STXBP5L: variants seen among roughly 807,000 people sequenced by gnomAD.
STXBP5L encodes syntaxin binding protein 5L.
Under a neutral mutation model 144.5 loss-of-function variants are expected in STXBP5L, and 65 were observed. That is an observed-to-expected ratio of 0.45 (90% CI 0.37 to 0.55). STXBP5L has a LOEUF of 0.55. STXBP5L is among the 20% of genes least tolerant of loss of function. The probability of loss-of-function intolerance (pLI) is 0.00; values close to 1 mark genes in which losing one functional copy is unlikely to be tolerated. For missense variants in STXBP5L, 1,298 were observed against 1,405.5 expected (o/e 0.92, Z 1.22); for synonymous variants, 505 against 469.6 (o/e 1.08, Z -0.97).
chr3:121,210,510 C>T (rs896412893), intron 10 of STXBP5L, among the ~76,000 whole-genome samples: 2 of 152,182 alleles, frequency 1.3e-5, no homozygotes, highest in African/African-American at 4.8e-5. Context: ...TTGCCCCTGC[C>T]TATGTCCTGC....
chr3:121,196,598 A>T (rs998775483), intron 9 of STXBP5L, among the ~76,000 whole-genome samples: 1 of 151,490 alleles, frequency 6.6e-6, no homozygotes, highest in African/African-American at 2.4e-5. Flanking sequence ...CTTTCAGTTT[A>T]GTTTTTTTTA....
intron 19 of STXBP5L, among the ~76,000 whole-genome samples, chr3:121,283,455 C>T (rs1037603551): frequency 2.6e-5 from 4 of 151,892 alleles, no homozygotes; most frequent in South Asian, 2.1e-4. Context: ...TTGCTGTGTG[C>T]GAGAATATTG....
chr3:121,385,046 A>G (rs1228931128), intron 22 of STXBP5L, among the ~76,000 whole-genome samples: 3 of 152,086 alleles, frequency 2.0e-5, no homozygotes, highest in African/African-American at 7.2e-5. Context: ...TATAAAATAT[A>G]TATCTCTCAT....
intron 19 of STXBP5L, among the ~76,000 whole-genome samples, chr3:121,312,441 T>C (rs2043568033): frequency 9.2e-6 from 1 of 108,526 alleles, no homozygotes; most frequent in Non-Finnish European, 1.8e-5. Flanking sequence ...TTAAGGTATG[T>C]CAATCTTTTT....
At chr3:120,976,958 C>A (rs1188383069) in intron 3 of STXBP5L, among the ~76,000 whole-genome samples, 1 of 151,996 alleles carries the variant, frequency 6.6e-6, no homozygotes, top group East Asian at 1.9e-4. Context: ...GAGAGCTTTA[C>A]TTCCAACTAT....
chr3:121,100,739 TA>T (rs1228893811), intron 5 of STXBP5L, among the ~76,000 whole-genome samples: 1 of 149,574 alleles, frequency 6.7e-6, no homozygotes, highest in Non-Finnish European at 1.5e-5. Flanking sequence ...AAGAAAGAAC[TA>T]AAATCAGTGC....
rs771686200 is a variant in STXBP5L, at chr3:120,955,010, T to C, written c.260T>C (p.Ile87Thr). The C allele has an allele frequency of 3.1e-6, 5 of 1,612,510 alleles. No homozygotes were observed. Among genetic ancestry groups the C allele is most frequent in the South Asian group, 1.1e-5 (1 of 91,050 alleles). Reference protein sequence around the residue: ...AFDPVQKILAIGTRTGAIRIL... With the variant: ...AFDPVQKILATGTRTGAIRIL... ...GATCCAGTTCAGAAAATCTTGGCTA[T>C]TGGGACGAGAACAGGTGCTATACGA... The change falls in exon 3 of 27, where the codon ATT becomes ACT. Residue 87 changes from isoleucine (I) to threonine (T), a missense_variant. Physicochemically the swap from Ile to Thr is moderately conservative, Grantham distance 89. Transcript: ENST00000471454.
intron 19 of STXBP5L, among the ~76,000 whole-genome samples, chr3:121,301,701 T>C (rs1459014159): frequency 6.6e-6 from 1 of 152,208 alleles, no homozygotes; most frequent in Non-Finnish European, 1.5e-5. Context: ...ATAGCTCTTA[T>C]TATTTTGAGA....
rs74611337 is a variant in STXBP5L at position 121,420,644 on chromosome 3, T to G, written c.*1547T>G. ...ACATTCCAGGACCCATCCTGTAATA[T>G]GTTGTTTCGTCAAGAAAAGTTTTAA... On this transcript the variant is annotated 3_prime_UTR_variant, in exon 27 of 27. Transcript: ENST00000471454. 2.0e-3 allele frequency: 312 copies of G among 152,288 alleles called. 4 individuals carry two copies. The highest frequency in any genetic ancestry group is 7.2e-3 in the African/African-American group (298 of 41,558). 9.4% of individuals were successfully genotyped at this position (152,288 alleles called of 1,614,324 possible).
intron 20 of STXBP5L, among the ~76,000 whole-genome samples, chr3:121,373,038 C>T (rs2046078461): frequency 6.6e-6 from 1 of 152,172 alleles, no homozygotes; most frequent in Admixed American, 6.5e-5. Flanking sequence ...TTGTTCTTAA[C>T]CTTCTTAACC....
chr3:121,057,008 CA>C (rs2107615624), intron 5 of STXBP5L, among the ~76,000 whole-genome samples: 1 of 150,242 alleles, frequency 6.7e-6, no homozygotes, highest in South Asian at 2.1e-4. Context: ...TATTTTATTA[CA>C]CACAATATAT....
chr3:121,311,758 C>A (rs934249189), intron 19 of STXBP5L, among the ~76,000 whole-genome samples: 1 of 152,122 alleles, frequency 6.6e-6, no homozygotes, highest in Non-Finnish European at 1.5e-5. Context: ...GTGAAAATGG[C>A]CATATTGCCC....
At chr3:121,080,578 G>T (rs1392366952) in intron 5 of STXBP5L, among the ~76,000 whole-genome samples, 1 of 152,156 alleles carries the variant, frequency 6.6e-6, no homozygotes, top group Non-Finnish European at 1.5e-5. Context: ...CTTCATTCAT[G>T]AAGCTTAATT....
In STXBP5L at chr3:121,034,202, A is replaced by G. The variant is rs954246861; in HGVS notation, c.288-7498A>G. On this transcript the variant is annotated intron_variant, in intron 3 of 26. Transcript: ENST00000471454. ...GTTTTGTTGCATGAATATACTACAT[A>G]GTGGTGAATTCTGAGTTCTTAGTGT... 2.0e-5 allele frequency among the ~76,000 whole-genome samples: 3 copies of G among 152,264 alleles called. No homozygotes were observed. In the South Asian group the frequency reaches 6.2e-4, roughly 32 times the overall value.
chr3:121,017,334 T>C (rs1945214159), intron 3 of STXBP5L, among the ~76,000 whole-genome samples: 1 of 152,212 alleles, frequency 6.6e-6, no homozygotes, highest in African/African-American at 2.4e-5. Flanking sequence ...AGCAACATTA[T>C]ACTTAATTGT....
intron 25 of STXBP5L, among the ~76,000 whole-genome samples, chr3:121,417,913 AG>A (rs2047277883): frequency 1.3e-5 from 2 of 152,302 alleles, no homozygotes; most frequent in South Asian, 4.2e-4. Context: ...AGAGAGAGAA[AG>A]AGAACCTGTG....
intron 19 of STXBP5L, among the ~76,000 whole-genome samples, chr3:121,295,318 TGA>T (rs1332172372): frequency 6.6e-6 from 1 of 152,010 alleles, no homozygotes; most frequent in Admixed American, 6.6e-5. Context: ...TTAAAAGAAA[TGA>T]GAGAACTACA....
At position 121,034,968 on chromosome 3, in the gene STXBP5L, G is replaced by A. The variant is rs182680475; in HGVS notation, c.288-6732G>A. On this transcript the variant is annotated intron_variant, in intron 3 of 26. Transcript: ENST00000471454. The stretch of plus-strand genomic sequence containing the variant: ...TTAATTTGTATTTCTCTAATGAATA[G>A]TGTTGTAGAGCATTTTTTATATACT... Among the ~76,000 whole-genome samples the A allele has an allele frequency of 1.8e-3, 273 of 152,264 alleles. 1 individual carries two copies. Among genetic ancestry groups the A allele is most frequent in the Non-Finnish European group, 3.1e-3 (209 of 67,998 alleles).
intron 3 of STXBP5L, among the ~76,000 whole-genome samples, chr3:120,975,444 C>T (rs1234992503): frequency 6.6e-6 from 1 of 152,180 alleles, no homozygotes; most frequent in Non-Finnish European, 1.5e-5. Context: ...AGATTTTGGG[C>T]TGAGACAATG....
Sources: gnomAD v4.1 joint callset for allele counts (sites outside exome capture counted in the v4.1 genomes callset) on GRCh38, gnomAD v4.1.1 for gene constraint, MANE v1.5 for transcripts, NCBI Gene and HGNC (gene_info 2026-07-23, HGNC 2026-07-21) for gene names.